Variants in PSAPL1 observed in about 807,000 individuals in gnomAD.
PSAPL1 encodes the protein proactivator polypeptide-like 1.
For synonymous variants in PSAPL1, 351 were observed against 291.6 expected, an observed-to-expected ratio of 1.20 and a Z score of -2.08; for missense variants, 814 against 688.8, an observed-to-expected ratio of 1.18 and a Z score of -2.03.
rs1727052717 is a variant in PSAPL1 at position 7,433,659 on chromosome 4, G to A, written c.1221C>T (p.Ser407=). The A allele has an allele frequency of 1.2e-6, 2 of 1,609,614 alleles. No homozygotes were observed. Among genetic ancestry groups the A allele is most frequent in the South Asian group, 2.2e-5 (2 of 90,660 alleles). ...TGGTGCTCTTGCTCTCCAAGTTGTGGGAGGACACCGTGAGCAGCCTCTTGC... is the reference window on the plus strand; with the variant it reads ...TGGTGCTCTTGCTCTCCAAGTTGTGAGAGGACACCGTGAGCAGCCTCTTGC... The part of the protein sequence containing the change: ...NGCKRLLTVS[S]HNLESKSTKR... Residue 407 remains serine, a synonymous_variant, in exon 1 of 1, where the codon TCC becomes TCT. Coordinates refer to ENST00000319098, the MANE Select transcript of PSAPL1 (RefSeq NM_001085382.2).
In PSAPL1 at chr4:7,432,491, C is replaced by T. The variant is rs1200705910; in HGVS notation, c.*823G>A. 1 of 152,184 alleles carries T rather than the reference C, an allele frequency of 6.6e-6. No individual in the cohort carries two copies. Among genetic ancestry groups the T allele is most frequent in the Admixed American group, 6.5e-5 (1 of 15,276 alleles). The allele number at this position is 152,184 out of a possible 1,614,324, so 9.4% of individuals were successfully genotyped here. A position where few individuals can be genotyped will look rare whatever the true frequency, so the allele number is the denominator to read the frequency against. ...GCTCAGACAGCTGGAGGGCTGTGTT[C>T]ACCGTCTTTGCCCTCGCTGCTCCAC... On this transcript the variant is annotated 3_prime_UTR_variant, in exon 1 of 1. Coordinates refer to ENST00000319098, the MANE Select transcript of PSAPL1 (RefSeq NM_001085382.2).
Position 7,433,505 on chromosome 4 carries a change from G to T in PSAPL1, c.1375C>A (p.Pro459Thr), listed in dbSNP as rs1244026864. The change falls in exon 1 of 1, where the codon CCC (proline) becomes ACC (threonine). Residue 459 changes from proline to threonine, a missense_variant. Physicochemically the swap from Pro to Thr is conservative, Grantham distance 38. Coordinates refer to ENST00000319098, the MANE Select transcript of PSAPL1 (RefSeq NM_001085382.2). ...CCCACCTTCTTGCACACAGCCACGG[G>T]GTCCATCATGTCCTTGAGACTCTCA... ...LIESLKDMMD[P>T]VAVCKKVGAC... 1.9e-6 allele frequency: 3 copies of T among 1,603,464 alleles called. No individual in the cohort carries two copies. In the Admixed American group the frequency reaches 5.1e-5, roughly 27 times the overall value.
Position 7,433,539 on chromosome 4 carries a change from G to A in PSAPL1, c.1341C>T (p.Pro447=), listed in dbSNP as rs1215089943. The A allele has an allele frequency of 9.3e-6, 15 of 1,610,022 alleles. No homozygotes were observed. Among genetic ancestry groups the A allele is most frequent in the South Asian group, 2.2e-5 (2 of 90,478 alleles). The change falls in exon 1 of 1, where the codon CCC becomes CCT. Residue 447 remains proline (P), a synonymous_variant. Coordinates refer to ENST00000319098, the MANE Select transcript of PSAPL1 (RefSeq NM_001085382.2). ...TGTCCTTGAGACTCTCAATGAGCAC[G>A]GGCTCGTACTGGGTGACGAAGTGCT... ...QCKHFVTQYE[P]VLIESLKDMM... is the part of the protein sequence containing the mutation.
In PSAPL1 at chr4:7,434,337, T is replaced by C; in HGVS notation, c.543A>G (p.Gly181=). ...LTFHPRQAPE[G]ALCQDCVRQV... ...GCCGTACACAGTCTTGGCACAGAGC[T>C]CCTTCAGGCGCCTGGCGGGGGTGGA... Residue 181 remains glycine (G), a synonymous_variant, in exon 1 of 1, where the codon GGA becomes GGG. Transcript: ENST00000319098. The C allele has an allele frequency of 6.2e-7, 1 of 1,610,292 alleles. No individual in the cohort carries two copies. The highest frequency in any genetic ancestry group is 8.5e-7 in the Non-Finnish European group (1 of 1,178,636).
chr4:7,433,863 C>G lies in PSAPL1; in HGVS notation c.1017G>C (p.Leu339Phe), dbSNP rs897156778. 1.2e-6 allele frequency: 2 copies of G among 1,613,790 alleles called. No individual in the cohort carries two copies. The highest frequency in any genetic ancestry group is 1.7e-6 in the Non-Finnish European group (2 of 1,179,904). The change falls in exon 1 of 1, where the codon TTG becomes TTC. Residue 339 changes from leucine to phenylalanine, a missense_variant. By Grantham distance (22) the Leu-to-Phe change is conservative (BLOSUM62 0). Transcript: ENST00000319098. ...PASITKECII[L>F]VDTYSPSLVQ... Reference sequence around the variant, plus strand: ...CCAAGGAGGGGCTGTAGGTGTCCACCAAGATGATGCACTCCTTCGTGATAG... The same window carrying G: ...CCAAGGAGGGGCTGTAGGTGTCCACGAAGATGATGCACTCCTTCGTGATAG...
rs139203507 is a variant in PSAPL1, at chr4:7,433,737, G to A, written c.1143C>T (p.Ile381=). 8.1e-6 allele frequency: 13 copies of A among 1,613,272 alleles called. No individual in the cohort carries two copies. Among genetic ancestry groups the A allele is most frequent in the African/African-American group, 1.3e-5 (1 of 75,048 alleles). The change falls in exon 1 of 1, where the codon ATC becomes ATT. Residue 381 remains isoleucine, a synonymous_variant. Transcript: ENST00000319098. ...RARAVHDAYA[I]VPSPEWDAEN... ...CCGCGTCCCACTCTGGGGACGGCAC[G>A]ATGGCATAGGCATCATGGACTGCCC...
rs527572311 is a variant in PSAPL1 at position 7,434,889 on chromosome 4, G to C, written c.-10C>G. On this transcript the variant is annotated 5_prime_UTR_variant, in exon 1 of 1. Coordinates refer to ENST00000319098, the MANE Select transcript of PSAPL1 (RefSeq NM_001085382.2). ...GCAGGGCACACAGCATGCTGCCCAG[G>C]GACTCTCTGGCTCCAGAGTACCCAG... 2 of 1,540,354 alleles carry C rather than the reference G, an allele frequency of 1.3e-6. No individual in the cohort carries two copies. Among genetic ancestry groups the C allele is most frequent in the Non-Finnish European group, 1.7e-6 (2 of 1,143,880 alleles).
At position 7,433,405 on chromosome 4, in the gene PSAPL1, C is replaced by T. The variant is rs764586181; in HGVS notation, c.1475G>A (p.Ser492Asn). Residue 492 changes from serine (S) to asparagine (N), a missense_variant, in exon 1 of 1, where the codon AGC (serine) becomes AAC (asparagine). By Grantham distance (46) the Ser-to-Asn change is conservative. Transcript: ENST00000319098. ...GTTGCACAGCTTGGCGGCCTCCTGG[C>T]TCCTGCACCAGAAGCTTGGGCCCAG... ...CALGPSFWCR[S>N]QEAAKLCNAV... The T allele has an allele frequency of 4.6e-6, 7 of 1,507,154 alleles. No individual in the cohort carries two copies. Among genetic ancestry groups the T allele is most frequent in the Non-Finnish European group, 6.2e-6 (7 of 1,129,500 alleles). The allele number at this position is 1,507,154 out of a possible 1,614,324, so 93.4% of individuals were successfully genotyped here. A position where few individuals can be genotyped will look rare whatever the true frequency, so the allele number is the denominator to read the frequency against.
At position 7,434,912 on chromosome 4, in the gene PSAPL1, C is replaced by G. The variant is rs755591836; in HGVS notation, c.-33G>C. On this transcript the variant is annotated 5_prime_UTR_variant, in exon 1 of 1. Transcript: ENST00000319098. Reference sequence around the variant, plus strand: ...AGGGACTCTCTGGCTCCAGAGTACCCAGCAGTGGCTGCTGCTATAAACCTG... The same window carrying G: ...AGGGACTCTCTGGCTCCAGAGTACCGAGCAGTGGCTGCTGCTATAAACCTG... 3 of 1,499,938 alleles carry G rather than the reference C, an allele frequency of 2.0e-6. No homozygotes were observed. The highest frequency in any genetic ancestry group is 1.3e-5 in the South Asian group (1 of 75,466). The allele number at this position is 1,499,938 out of a possible 1,614,324, so 92.9% of individuals were successfully genotyped here. A position where few individuals can be genotyped will look rare whatever the true frequency, so the allele number is the denominator to read the frequency against.
Position 7,434,820 on chromosome 4 carries a change from G to T in PSAPL1, c.60C>A (p.Thr20=). ...CCTTTGCACACTCCTGGGGGCCTGA[G>T]GTGGGGCTGGCCCTGGTGGCCCCCA... is the stretch of plus-strand genomic sequence containing the variant. ...SLLGATRASP[T]SGPQECAKGS... The change falls in exon 1 of 1, where the codon ACC becomes ACA. Residue 20 remains threonine, a synonymous_variant. Coordinates refer to ENST00000319098, the MANE Select transcript of PSAPL1 (RefSeq NM_001085382.2). 1 of 1,602,480 alleles carries T rather than the reference G, an allele frequency of 6.2e-7. No individual in the cohort carries two copies. Among genetic ancestry groups the T allele is most frequent in the South Asian group, 1.1e-5 (1 of 89,168 alleles).
rs1438635008 is a variant in PSAPL1, at chr4:7,430,967, C to G, written c.*2347G>C. Reference sequence around the variant, plus strand: ...CTGCCTTTAGACCCCAAGGCAGCCACTCCCCACGAGCACTTGCAGAGCACC... The same window carrying G: ...CTGCCTTTAGACCCCAAGGCAGCCAGTCCCCACGAGCACTTGCAGAGCACC... On this transcript the variant is annotated 3_prime_UTR_variant, in exon 1 of 1. Transcript: ENST00000319098. The G allele has an allele frequency of 6.6e-6, 1 of 152,416 alleles. No homozygotes were observed. Among genetic ancestry groups the G allele is most frequent in the Non-Finnish European group, 1.5e-5 (1 of 68,188 alleles). The allele number at this position is 152,416 out of a possible 1,614,324, so 9.4% of individuals were successfully genotyped here.
rs1171639407 is a variant in PSAPL1 at position 7,433,065 on chromosome 4, G to A, written c.*249C>T. 1.5e-5 allele frequency: 5 copies of A among 344,716 alleles called. No homozygotes were observed. In the East Asian group the frequency reaches 2.2e-4, roughly 15 times the overall value. The allele number at this position is 344,716 out of a possible 1,614,324, so 21.4% of individuals were successfully genotyped here. A position where few individuals can be genotyped will look rare whatever the true frequency, so the allele number is the denominator to read the frequency against. The stretch of plus-strand genomic sequence containing the variant: ...GCCTTGGAGATGAGAGGGCAGCCTT[G>A]GCTGGGTCAGGGAGCGGGGCACATG... On this transcript the variant is annotated 3_prime_UTR_variant, in exon 1 of 1. Transcript: ENST00000319098.
Position 7,434,747 on chromosome 4 carries a change from C to T in PSAPL1, c.133G>A (p.Ala45Thr), listed in dbSNP as rs1333664334. 1 of 1,613,022 alleles carries T rather than the reference C, an allele frequency of 6.2e-7. No homozygotes were observed. The highest frequency in any genetic ancestry group is 8.5e-7 in the Non-Finnish European group (1 of 1,179,640). Residue 45 changes from alanine (A) to threonine (T), a missense_variant, in exon 1 of 1, where the codon GCT becomes ACT. Transcript: ENST00000319098. ...QDLQTAARCG[A>T]VGYCQGAVWN... ...ACGGCCCCTTGGCAGTACCCCACAGCCCCGCACCTGGCAGCTGTCTGCAGA... is the reference window on the plus strand; with the variant it reads ...ACGGCCCCTTGGCAGTACCCCACAGTCCCGCACCTGGCAGCTGTCTGCAGA...
Position 7,434,813 on chromosome 4 carries a change from G to T in PSAPL1, c.67C>A (p.Pro23Thr), listed in dbSNP as rs768390343. ...GTGGAGCCCTTTGCACACTCCTGGG[G>T]GCCTGAGGTGGGGCTGGCCCTGGTG... The part of the protein sequence containing the change: ...GATRASPTSG[P>T]QECAKGSTVW... Residue 23 changes from proline (P) to threonine (T), a missense_variant, in exon 1 of 1, where the codon CCC (proline) becomes ACC (threonine). Physicochemically the swap from Pro to Thr is conservative, Grantham distance 38. Transcript: ENST00000319098. The T allele has an allele frequency of 1.8e-5, 29 of 1,605,390 alleles. No homozygotes were observed. The highest frequency in any genetic ancestry group is 1.7e-6 in the Non-Finnish European group (2 of 1,176,542).
chr4:7,432,115 T>G lies in PSAPL1; in HGVS notation c.*1199A>C, dbSNP rs1295942825. On this transcript the variant is annotated 3_prime_UTR_variant, in exon 1 of 1. Coordinates refer to ENST00000319098, the MANE Select transcript of PSAPL1 (RefSeq NM_001085382.2). ...CAGGAGCAGAAACCACAGGAGCACT[T>G]GAACCCAGATGGAAACCCCCCCCGG... 1 of 151,664 alleles carries G rather than the reference T, an allele frequency of 6.6e-6. No homozygotes were observed. Among genetic ancestry groups the G allele is most frequent in the Non-Finnish European group, 1.5e-5 (1 of 68,386 alleles). The allele number at this position is 151,664 out of a possible 1,614,324, so 9.4% of individuals were successfully genotyped here.
chr4:7,433,480 C>A lies in PSAPL1; in HGVS notation c.1400G>T (p.Gly467Val). The A allele has an allele frequency of 6.3e-7, 1 of 1,582,860 alleles. No individual in the cohort carries two copies. The highest frequency in any genetic ancestry group is 8.6e-7 in the Non-Finnish European group (1 of 1,165,286). Residue 467 changes from glycine to valine, a missense_variant, in exon 1 of 1, where the codon GGG (glycine) becomes GTG (valine). Coordinates refer to ENST00000319098, the MANE Select transcript of PSAPL1 (RefSeq NM_001085382.2). ...MDPVAVCKKV[G>V]ACHGPRTPLL... ...TGGGGTCCTGGGGCCGTGGCAGGCC[C>A]CCACCTTCTTGCACACAGCCACGGG... is the stretch of plus-strand genomic sequence containing the variant.
Position 7,433,248 on chromosome 4 carries a change from T to G in PSAPL1, c.*66A>C. On this transcript the variant is annotated 3_prime_UTR_variant, in exon 1 of 1. Coordinates refer to ENST00000319098, the MANE Select transcript of PSAPL1 (RefSeq NM_001085382.2). ...GAGCTTCAGTTTTTCATTTGTGAAA[T>G]GGGGATGGGGAAAGCACCCACCTCA... 7.6e-7 allele frequency: 1 copy of G among 1,309,420 alleles called. No homozygotes were observed. The highest frequency in any genetic ancestry group is 9.7e-7 in the Non-Finnish European group (1 of 1,028,020). 81.1% of individuals were successfully genotyped at this position (1,309,420 alleles called of 1,614,324 possible).
rs371858136 is a variant in PSAPL1 at position 7,433,443 on chromosome 4, G to T, written c.1437C>A (p.Thr479=). 1 of 1,537,982 alleles carries T rather than the reference G, an allele frequency of 6.5e-7. No individual in the cohort carries two copies. The change falls in exon 1 of 1, where the codon ACC becomes ACA. Residue 479 remains threonine, a synonymous_variant. Coordinates refer to ENST00000319098, the MANE Select transcript of PSAPL1 (RefSeq NM_001085382.2). The part of the protein sequence containing the change: ...CHGPRTPLLG[T]DQCALGPSFW... Reference sequence around the variant, plus strand: ...AGCTTGGGCCCAGGGCACACTGGTCGGTGCCCAGCAGTGGGGTCCTGGGGC... The same window carrying T: ...AGCTTGGGCCCAGGGCACACTGGTCTGTGCCCAGCAGTGGGGTCCTGGGGC...
chr4:7,434,216 C>CGGCCA, the PSAPL1 span: 3 of 1,613,712 alleles, frequency 1.9e-6, no homozygotes, highest in South Asian at 2.2e-5. Context: ...TTGCAGAGGA[C>CGGCCA]GGCCAGGCCA....
Sources: gnomAD v4.1 joint callset for allele counts on GRCh38, gnomAD v4.1.1 for gene constraint, MANE v1.5 for transcripts, NCBI Gene and HGNC (gene_info 2026-07-23, HGNC 2026-07-21) for gene names.